The following HDAC2 variants were observed in gnomAD, a reference collection of about 807,000 sequenced individuals.
The protein encoded by HDAC2 is histone deacetylase 2.
HDAC2 carries 5 observed loss-of-function variants against 68.5 expected under a neutral mutation model. The ratio of observed to expected loss-of-function variants is 0.07; its 90% CI spans 0.04 to 0.15. The LOEUF (loss-of-function observed/expected upper bound fraction) is 0.15. Among genes scored for constraint, HDAC2 ranks in the 10% least tolerant of loss-of-function variants. The pLI, the probability that HDAC2 is intolerant of heterozygous loss-of-function variation, is 1.00. For synonymous variants in HDAC2, 182 were observed against 191.3 expected, an observed-to-expected ratio of 0.95 and a Z score of 0.40; for missense variants, 291 against 600.8, an observed-to-expected ratio of 0.48 and a Z score of 5.39.
At position 113,958,227 on chromosome 6, in the gene HDAC2, C is replaced by CTT. The variant is rs1582491635; in HGVS notation, c.283+420_283+421dup. ...GTAGAATCAAAAGCTTCACTAATAT[C>CTT]TTAACAAAGAAAAAGAGATGTGTAT... is the stretch of plus-strand genomic sequence containing the variant. On this transcript the variant is annotated intron_variant, in intron 3 of 13. Coordinates refer to ENST00000519065, the MANE Select transcript of HDAC2 (RefSeq NM_001527.4). Among the ~76,000 whole-genome samples the CTT allele has an allele frequency of 2.0e-5, 3 of 152,188 alleles. No homozygotes were observed. In the East Asian group the frequency reaches 5.8e-4, roughly 29 times the overall value.
chr6:113,944,008 AATGAG>A (rs1776209262), intron 11 of HDAC2, among the ~76,000 whole-genome samples: 1 of 152,220 alleles, frequency 6.6e-6, no homozygotes, highest in Non-Finnish European at 1.5e-5. Flanking sequence ...ACTTTAGATA[AATGAG>A]ATGTCTTATT....
intron 1 of HDAC2, among the ~76,000 whole-genome samples, chr6:113,961,650 G>C (rs756930086): frequency 5.9e-5 from 9 of 151,992 alleles, no homozygotes; most frequent in Non-Finnish European, 1.3e-4. Flanking sequence ...ACAATACAAG[G>C]GATATATAGT....
intron 10 of HDAC2, among the ~76,000 whole-genome samples, 153 bp downstream of exon 10, chr6:113,945,209 A>AAAAGAAT (rs943453953): frequency 6.6e-6 from 1 of 151,896 alleles, no homozygotes; most frequent in African/African-American, 2.4e-5. Flanking sequence ...AAAAAAAAAA[A>AAAAGAAT]AAAGAATAAT....
chr6:113,960,711 T>A (rs1776663429), intron 1 of HDAC2, among the ~76,000 whole-genome samples: 1 of 152,026 alleles, frequency 6.6e-6, no homozygotes, highest in Admixed American at 6.5e-5. Flanking sequence ...AATCACAGAT[T>A]TTCATCAACT....
intron 1 of HDAC2, chr6:113,970,117 C>T (rs1218523634): frequency 6.6e-6 from 1 of 152,172 alleles, no homozygotes; most frequent in Non-Finnish European, 1.5e-5. Flanking sequence ...TGAAGCCCTT[C>T]CATTTGAATC....
At chr6:113,957,478 T>C (rs993167470) in intron 3 of HDAC2, among the ~76,000 whole-genome samples, 1 of 150,142 alleles carries the variant, frequency 6.7e-6, no homozygotes, top group South Asian at 2.1e-4. Flanking sequence ...CACAGAGAGA[T>C]CATAATCTTT....
intron 1 of HDAC2, among the ~76,000 whole-genome samples, 198 bp from the exon 2 acceptor site, chr6:113,960,216 G>T (rs1360187763): frequency 6.6e-6 from 1 of 152,040 alleles, no homozygotes; most frequent in Non-Finnish European, 1.5e-5. Flanking sequence ...ACCAGCTGAA[G>T]ACTCCATTAT....
chr6:113,970,509 A>G, intron 1 of HDAC2: 1 of 1,153,668 alleles, frequency 8.7e-7, no homozygotes, highest in Non-Finnish European at 1.1e-6. Context: ...GGGCGGGAGA[A>G]GGGAGAGAAT....
At chr6:113,963,734 C>CATAAAA (rs531313592) in intron 1 of HDAC2, among the ~76,000 whole-genome samples, 480 of 152,298 alleles carry the variant, frequency 3.2e-3, no homozygotes, top group Non-Finnish European at 5.4e-3. Flanking sequence ...TCAACCTGTA[C>CATAAAA]ATAAAAATAC....
At chr6:113,956,509 T>A (rs1776558382) in intron 4 of HDAC2, 110 bp downstream of exon 4, 1 of 763,320 alleles carries the variant, frequency 1.3e-6, no homozygotes, top group African/African-American at 1.7e-5. Context: ...ACTGATTTCC[T>A]TTTGTTATCA....
In HDAC2 at chr6:113,937,636, C is replaced by T. The variant is rs904346858; in HGVS notation, c.*3422G>A. The T allele has an allele frequency of 6.6e-6, 1 of 152,354 alleles. No individual in the cohort carries two copies. The highest frequency in any genetic ancestry group is 1.5e-5 in the Non-Finnish European group (1 of 68,192). 9.4% of individuals were successfully genotyped at this position (152,354 alleles called of 1,614,324 possible). Reference sequence around the variant, plus strand: ...CCTGAGTCAGGAGAATCGCTTGAGCCTAGGAGTTTGTGACCAGCCTGGGCA... The same window carrying T: ...CCTGAGTCAGGAGAATCGCTTGAGCTTAGGAGTTTGTGACCAGCCTGGGCA... On this transcript the variant is annotated 3_prime_UTR_variant, in exon 14 of 14. Coordinates refer to ENST00000519065, the MANE Select transcript of HDAC2 (RefSeq NM_001527.4).
chr6:113,953,252 T>A (rs1219532952), intron 6 of HDAC2, 25 bp downstream of exon 6: 1 of 1,577,176 alleles, frequency 6.3e-7, no homozygotes, highest in African/African-American at 1.4e-5. Flanking sequence ...CTCACAATAT[T>A]TTTTCAGACA....
chr6:113,962,915 G>A (rs1185084488), intron 1 of HDAC2, among the ~76,000 whole-genome samples: 1 of 143,940 alleles, frequency 6.9e-6, no homozygotes, highest in Non-Finnish European at 1.5e-5. Context: ...AGTGAGCCGA[G>A]ATCGTGCCAC....
rs1384476278 is a variant in HDAC2, at chr6:113,956,705, G to A, written c.284-12C>T. ...TTCTCCAACATTAACTGTGGAAGAT[G>A]GATTTCATTAATTTCAACACATTCT... is the stretch of plus-strand genomic sequence containing the variant. On this transcript the variant is annotated splice_polypyrimidine_tract_variant and intron_variant, in intron 3 of 13. Coordinates refer to ENST00000519065, the MANE Select transcript of HDAC2 (RefSeq NM_001527.4). The A allele has an allele frequency of 1.3e-6, 2 of 1,587,092 alleles. No homozygotes were observed. The highest frequency in any genetic ancestry group is 8.6e-7 in the Non-Finnish European group (1 of 1,156,146).
intron 8 of HDAC2, 89 bp from the exon 9 acceptor site, chr6:113,946,237 T>G: frequency 9.7e-7 from 1 of 1,030,688 alleles, no homozygotes; most frequent in Non-Finnish European, 1.4e-6. Context: ...GTGCAAATGT[T>G]ACTCAACCAA....
chr6:113,963,272 C>T (rs1402123804), intron 1 of HDAC2, among the ~76,000 whole-genome samples: 2 of 151,788 alleles, frequency 1.3e-5, no homozygotes, highest in African/African-American at 2.4e-5. Context: ...TTAGTAGTGA[C>T]GGGGTATCTC....
rs958898314 is a variant in HDAC2 at position 113,966,843 on chromosome 6, T to C, written c.52+4014A>G. Reference sequence around the variant, plus strand: ...AAAGATTTCTGGGGAAAGAGAAGTATAGGAAAATTTCAGTCTTATTTAGTC... The same window carrying C: ...AAAGATTTCTGGGGAAAGAGAAGTACAGGAAAATTTCAGTCTTATTTAGTC... On this transcript the variant is annotated intron_variant, in intron 1 of 13. Coordinates refer to ENST00000519065, the MANE Select transcript of HDAC2 (RefSeq NM_001527.4). 7.2e-5 allele frequency among the ~76,000 whole-genome samples: 11 copies of C among 152,210 alleles called. No homozygotes were observed. The South Asian group carries it at 2.1e-3, about 29-fold the overall frequency.
chr6:113,962,617 A>C (rs1035095230), intron 1 of HDAC2, among the ~76,000 whole-genome samples: 3 of 152,198 alleles, frequency 2.0e-5, no homozygotes, highest in African/African-American at 7.2e-5. Context: ...CAAAGAACCT[A>C]AATGATACAT....
At position 113,943,390 on chromosome 6, in the gene HDAC2, T is replaced by A; in HGVS notation, c.1339A>T (p.Ile447Phe). 6.2e-7 allele frequency: 1 copy of A among 1,610,708 alleles called. No individual in the cohort carries two copies. The highest frequency in any genetic ancestry group is 8.5e-7 in the Non-Finnish European group (1 of 1,179,080). ...TCTGTTTCTTTCTTATCTTCTTCAA[T>A]TCTAGCTTTCTTTGCTCCTTTCTTA... ...DHKKGAKKAR[I>F]EEDKKETEDK... The change falls in exon 12 of 14, where the codon ATT becomes TTT. Residue 447 changes from isoleucine (I) to phenylalanine (F), a missense_variant. By Grantham distance (21) the Ile-to-Phe change is conservative (BLOSUM62 0). Around this residue, in one of 2 missense-constraint regions of HDAC2, gnomAD observed 137 missense variants for 128.7 expected, o/e 1.06. Transcript: ENST00000519065.
Sources: gnomAD v4.1 joint callset for allele counts (sites outside exome capture counted in the v4.1 genomes callset) on GRCh38, gnomAD v4.1.1 for gene constraint, gnomAD v4.1.1 regional missense constraint, MANE v1.5 for transcripts, NCBI Gene and HGNC (gene_info 2026-07-23, HGNC 2026-07-21) for gene names.